ODF2: variants seen among roughly 807,000 people sequenced by gnomAD.
ODF2 encodes the protein outer dense fiber of sperm tails 2, also known as outer dense fiber protein 2.
Under a neutral mutation model 110.2 loss-of-function variants are expected in ODF2, and 47 were observed. The ratio of observed to expected loss-of-function variants is 0.43; its 90% confidence interval spans 0.34 to 0.54. The LOEUF (loss-of-function observed/expected upper bound fraction) is 0.54, where lower values mean the gene tolerates loss of function less well. ODF2 is among the 20% of genes least tolerant of loss of function. The pLI is 0.03. For synonymous variants in ODF2, 352 were observed against 397.7 expected (o/e 0.89, Z 1.37); for missense variants, 812 against 1,054.5 (o/e 0.77, Z 3.19).
chr9:128,480,818 TAAAAAATAAA>T (rs1842253465), intron 8 of ODF2, among the ~76,000 whole-genome samples: 1 of 83,354 alleles, frequency 1.2e-5, no homozygotes, highest in South Asian at 3.8e-4. Flanking sequence ...ACTTCCTCTC[TAAAAAATAAA>T]AAAAATTAAA....
chr9:128,499,982 C>A (rs1159041655), intron 20 of ODF2, 85 bp from the exon 21 acceptor site: 11 of 1,467,942 alleles, frequency 7.5e-6, no homozygotes, highest in African/African-American at 1.4e-5. Context: ...AACCTCCTGG[C>A]AACTCCTAAG....
At chr9:128,481,608 G>T in exon 9 of ODF2, 1 of 1,614,010 alleles carries the variant, frequency 6.2e-7, no homozygotes, top group South Asian at 1.1e-5. Context: ...GAGCAACAAG[G>T]AGCACTGCTG....
upstream of ODF2, chr9:128,455,292 CT>C: frequency 6.8e-7 from 1 of 1,467,182 alleles, no homozygotes; most frequent in Non-Finnish European, 9.2e-7. Flanking sequence ...AGGCTCAAGC[CT>C]GTAATACAAG....
chr9:128,465,683 G>A (rs1837658225), intron 4 of ODF2, among the ~76,000 whole-genome samples: 1 of 151,524 alleles, frequency 6.6e-6, no homozygotes, highest in Non-Finnish European at 1.5e-5. Flanking sequence ...GGAGGTTGCA[G>A]TGAGCTGAGA....
intron 1 of ODF2, 40 bp downstream of exon 1, chr9:128,456,295 G>C (rs1208520092): frequency 1.3e-6 from 2 of 1,511,548 alleles, no homozygotes; most frequent in Non-Finnish European, 8.8e-7. Flanking sequence ...CGCCCTCCGG[G>C]GCACCGCGGG....
chr9:128,460,320 C>A, intron 3 of ODF2: 13 of 1,422,004 alleles, frequency 9.1e-6, no homozygotes, highest in Non-Finnish European at 1.1e-5. Flanking sequence ...CAGACCCTCT[C>A]TTGAGTGGAC....
chr9:128,475,376 G>A (rs1379050535), intron 8 of ODF2, among the ~76,000 whole-genome samples: 2 of 152,110 alleles, frequency 1.3e-5, no homozygotes, highest in East Asian at 1.9e-4. Context: ...AATTAATGAT[G>A]TACAACATGT....
chr9:128,467,997 A>G (rs1040200647), intron 4 of ODF2, among the ~76,000 whole-genome samples: 9 of 151,992 alleles, frequency 5.9e-5, no homozygotes, highest in African/African-American at 2.2e-4. Context: ...TCCTGGCCCT[A>G]AAATATTTTT....
intron 8 of ODF2, among the ~76,000 whole-genome samples, chr9:128,476,127 C>A (rs979502183): frequency 5.9e-5 from 9 of 152,052 alleles, no homozygotes; most frequent in Non-Finnish European, 1.5e-5. Flanking sequence ...TGTTGATGGA[C>A]ACTTAGGTTG....
intron 14 of ODF2, among the ~76,000 whole-genome samples, chr9:128,492,008 G>A (rs1056262419): frequency 5.9e-5 from 9 of 151,876 alleles, no homozygotes; most frequent in Non-Finnish European, 8.8e-5. Context: ...TGGGACTACA[G>A]GCGCCCGCCA....
At chr9:128,497,142 A>T (rs936521630) in intron 18 of ODF2, among the ~76,000 whole-genome samples, 2 of 151,922 alleles carry the variant, frequency 1.3e-5, no homozygotes, top group African/African-American at 2.4e-5. Flanking sequence ...ACATGTTATT[A>T]GTTAGCTGGT....
At chr9:128,467,865 ACGCCCGGCT>A in intron 4 of ODF2, among the ~76,000 whole-genome samples, 1 of 151,942 alleles carries the variant, frequency 6.6e-6, no homozygotes, top group Admixed American at 6.6e-5. Context: ...ACCTGCTACC[ACGCCCGGCT>A]AATTTTTTTG....
chr9:128,499,160 G>A (rs1846146625), intron 20 of ODF2, 34 bp downstream of exon 20: 2 of 1,613,122 alleles, frequency 1.2e-6, no homozygotes, highest in East Asian at 2.2e-5. Flanking sequence ...CTAGGAGAGT[G>A]GGCAGCAGAC....
intron 4 of ODF2, among the ~76,000 whole-genome samples, chr9:128,463,716 G>GT (rs1335811888): frequency 2.0e-5 from 3 of 152,250 alleles, no homozygotes; most frequent in African/African-American, 7.2e-5. Context: ...AAACGCATAT[G>GT]TTTGTATGTG....
At chr9:128,463,563 C>G (rs1425171446) in intron 4 of ODF2, among the ~76,000 whole-genome samples, 5 of 152,112 alleles carry the variant, frequency 3.3e-5, no homozygotes, top group Non-Finnish European at 7.3e-5. Context: ...GCACTGCAGC[C>G]TGGATTACAG....
chr9:128,469,582 C>T (rs1839193495), intron 5 of ODF2: 1 of 540,904 alleles, frequency 1.8e-6, no homozygotes, highest in African/African-American at 1.9e-5. Context: ...TGGTGCTCCA[C>T]ATGGGTGGTC....
chr9:128,455,959 C>A, upstream of ODF2: 2 of 1,407,838 alleles, frequency 1.4e-6, no homozygotes, highest in Non-Finnish European at 1.8e-6. Context: ...ACGCGTAGCA[C>A]GTCTCCTTGG....
exon 21 of ODF2, chr9:128,500,092 T>G (rs561355325): frequency 6.2e-7 from 1 of 1,614,270 alleles, no homozygotes; most frequent in African/African-American, 1.3e-5. Flanking sequence ...CAGAGCCGGC[T>G]GCAAGACCTG....
chr9:128,464,034 G>T (rs1403037384), intron 4 of ODF2, among the ~76,000 whole-genome samples: 1 of 151,576 alleles, frequency 6.6e-6, no homozygotes, highest in Non-Finnish European at 1.5e-5. Flanking sequence ...TAGTAGAGAC[G>T]GGGTTTTGCT....
Sources: allele counts gnomAD v4.1 joint callset (sites outside exome capture counted in the v4.1 genomes callset), GRCh38; gene constraint gnomAD v4.1.1; transcripts MANE v1.5; gene names NCBI Gene and HGNC (gene_info 2026-07-23, HGNC 2026-07-21).